The following COL1A2 variants were observed in gnomAD, a reference collection of about 807,000 sequenced individuals.
The protein encoded by COL1A2 is collagen alpha-2(I) chain.
In COL1A2, 49 loss-of-function variants were observed where a neutral mutation model predicts 174.3. That is an observed-to-expected ratio of 0.28 (90% CI 0.22 to 0.36). COL1A2 has a LOEUF of 0.36. Among genes scored for constraint, COL1A2 ranks in the 10% least tolerant of loss-of-function variants. The pLI is 1.00. For missense variants in COL1A2, 1,438 were observed against 1,822.7 expected, an observed-to-expected ratio of 0.79 and a Z score of 3.84; for synonymous variants, 655 against 606.6, an observed-to-expected ratio of 1.08 and a Z score of -1.17.
At chr7:94,425,912 G>C (rs925005438) in intron 44 of COL1A2, 55 bp downstream of exon 44, 7 of 1,604,218 alleles carry the variant, frequency 4.4e-6, no homozygotes, top group Middle Eastern at 1.7e-4. Flanking sequence ...CTTCACTTCT[G>C]ACTTCCCCAC....
At chr7:94,400,112 C>A in intron 4 of COL1A2, 84 bp from the exon 5 acceptor site, 1 of 1,282,088 alleles carries the variant, frequency 7.8e-7, no homozygotes, top group Non-Finnish European at 1.1e-6. Context: ...ATAGAAAGGT[C>A]TGAACAACTG....
At position 94,423,183 on chromosome 7, in the gene COL1A2, A is replaced by G. The variant is rs42530; in HGVS notation, c.2565+65A>G. On this transcript the variant is annotated intron_variant, in intron 40 of 51. Coordinates refer to ENST00000297268, the MANE Select transcript of COL1A2 (RefSeq NM_000089.4). ...TGAATTAAAATAAAGCCCCTACACA[A>G]ATCTTCAAGTGGCATCTATTTGTTG... 461,808 of 1,577,000 alleles carry G rather than the reference A, an allele frequency of 0.29. 70,474 individuals are homozygous for G. The highest frequency in any genetic ancestry group is 0.31 in the Non-Finnish European group (355,171 of 1,147,936).
At position 94,425,413 on chromosome 7, in the gene COL1A2, C is replaced by T; in HGVS notation, c.2781+189C>T. 2.5e-6 allele frequency: 2 copies of T among 811,174 alleles called. 1 individual carries two copies. Among genetic ancestry groups the T allele is most frequent in the South Asian group, 3.2e-5 (2 of 62,038 alleles). The allele number at this position is 811,174 out of a possible 1,614,324, so 50.2% of individuals were successfully genotyped here. A position where few individuals can be genotyped will look rare whatever the true frequency, so the allele number is the denominator to read the frequency against. ...AAAGAATGGGCTTTTCAATAGCACACTGCAAAACTGGGCCCAAGTATTTAA... is the reference window on the plus strand; with the variant it reads ...AAAGAATGGGCTTTTCAATAGCACATTGCAAAACTGGGCCCAAGTATTTAA... On this transcript the variant is annotated intron_variant, in intron 42 of 51. Transcript: ENST00000297268.
chr7:94,405,629 T>G lies in COL1A2; in HGVS notation c.487-44T>G, dbSNP rs1166697176. 5 of 1,534,190 alleles carry G rather than the reference T, an allele frequency of 3.3e-6. No individual in the cohort carries two copies. In the African/African-American group the frequency reaches 6.8e-5, roughly 21 times the overall value. ...AGGGAAGAAGTCACTGTCTTTTTAT[T>G]TATGGTAAAACATTATTCACCATCT... On this transcript the variant is annotated intron_variant, in intron 10 of 51. Coordinates refer to ENST00000297268, the MANE Select transcript of COL1A2 (RefSeq NM_000089.4).
chr7:94,422,811 A>C (rs1056572337), intron 39 of COL1A2, 146 bp from the exon 40 acceptor site: 40 of 1,052,966 alleles, frequency 3.8e-5, no homozygotes, highest in Non-Finnish European at 5.2e-5. Flanking sequence ...AAGAAGGTTA[A>C]AAACTATAAA....
At chr7:94,421,131 T>C in intron 38 of COL1A2, 69 bp downstream of exon 38, 1 of 1,558,616 alleles carries the variant, frequency 6.4e-7, no homozygotes, top group Non-Finnish European at 8.8e-7. Flanking sequence ...TTGAAAGTTT[T>C]GAAATTTTTG....
chr7:94,399,180 A>G, intron 4 of COL1A2, 96 bp downstream of exon 4: 3 of 1,140,998 alleles, frequency 2.6e-6, no homozygotes, highest in Non-Finnish European at 4.0e-6. Flanking sequence ...AATATTATGT[A>G]TCCAGATAAT....
chr7:94,411,192 C>T, intron 23 of COL1A2, 38 bp downstream of exon 23: 1 of 1,422,230 alleles, frequency 7.0e-7, no homozygotes, highest in Non-Finnish European at 9.7e-7. Context: ...TCACACCTGG[C>T]ATTACTTCCT....
chr7:94,404,200 T>A (rs964409643), intron 6 of COL1A2, among the ~76,000 whole-genome samples: 4 of 152,218 alleles, frequency 2.6e-5, no homozygotes, highest in African/African-American at 9.6e-5. Context: ...GATATCCAAA[T>A]GGACATGCTT....
intron 43 of COL1A2, 39 bp from the exon 44 acceptor site, chr7:94,425,711 A>G: frequency 1.2e-6 from 2 of 1,614,046 alleles, no homozygotes; most frequent in Non-Finnish European, 8.5e-7. Context: ...ATTAAAATGC[A>G]ACCCAGATTG....
intron 21 of COL1A2, 50 bp downstream of exon 21, chr7:94,410,577 A>T: frequency 6.9e-7 from 1 of 1,442,086 alleles, no homozygotes; most frequent in Non-Finnish European, 9.5e-7. Flanking sequence ...GCAGATTATG[A>T]TACCCCTTCA....
chr7:94,427,550 C>T, intron 48 of COL1A2, 77 bp from the exon 49 acceptor site: 1 of 1,531,592 alleles, frequency 6.5e-7, no homozygotes, highest in South Asian at 1.1e-5. Flanking sequence ...TGAAGCTCAA[C>T]TGAAAATCTG....
Position 94,427,762 on chromosome 7 carries a change from G to T in COL1A2, c.3403G>T (p.Val1135Phe), listed in dbSNP as rs530579987. 6.2e-7 allele frequency: 1 copy of T among 1,614,136 alleles called. No individual in the cohort carries two copies. The highest frequency in any genetic ancestry group is 8.5e-7 in the Non-Finnish European group (1 of 1,180,022). ...APSLRPKDYE[V>F]DATLKSLNNQ... ...TTCTCTCAGACCCAAGGACTATGAA[G>T]TTGATGCTACTCTGAAGTCTCTCAA... The change falls in exon 49 of 52, where the codon GTT becomes TTT. Residue 1135 changes from valine to phenylalanine, a missense_variant. Val to Phe is a conservative substitution (Grantham distance 50, BLOSUM62 -1). Around this residue, in one of 3 missense-constraint regions of COL1A2, gnomAD observed 290 missense variants for 298.1 expected, o/e 0.97. Transcript: ENST00000297268.
At chr7:94,424,253 A>C in intron 40 of COL1A2, 83 bp from the exon 41 acceptor site, 2 of 1,150,954 alleles carry the variant, frequency 1.7e-6, no homozygotes, top group Admixed American at 1.7e-5. Context: ...AGCTGAAGAC[A>C]GTTTATTCTC....
intron 6 of COL1A2, among the ~76,000 whole-genome samples, chr7:94,402,154 C>T (rs1791701448): frequency 3.9e-5 from 6 of 152,040 alleles, no homozygotes; most frequent in Admixed American, 3.9e-4. Flanking sequence ...ATAACTAGAA[C>T]TAGATGCCAG....
chr7:94,427,122 C>T, intron 47 of COL1A2, 61 bp downstream of exon 47: 1 of 1,608,638 alleles, frequency 6.2e-7, no homozygotes. Flanking sequence ...GAGCAGTGAG[C>T]CCCAGGCTGC....
At position 94,410,812 on chromosome 7, in the gene COL1A2, G is replaced by A; in HGVS notation, c.1198-77G>A. 4 of 1,481,924 alleles carry A rather than the reference G, an allele frequency of 2.7e-6. No individual in the cohort carries two copies. The South Asian group carries it at 3.4e-5, about 13-fold the overall frequency. 91.8% of individuals were successfully genotyped at this position (1,481,924 alleles called of 1,614,324 possible). A position where few individuals can be genotyped will look rare whatever the true frequency, so the allele number is the denominator to read the frequency against. ...TGTATCTCCCCTGTAAGGAGATCAT[G>A]CTATTTTTTACAAACTCTACCTTAT... On this transcript the variant is annotated intron_variant, in intron 21 of 51. Coordinates refer to ENST00000297268, the MANE Select transcript of COL1A2 (RefSeq NM_000089.4).
Position 94,417,714 on chromosome 7 carries a change from T to C in COL1A2, c.1864-10T>C, listed in dbSNP as rs947578625. 2 of 1,576,658 alleles carry C rather than the reference T, an allele frequency of 1.3e-6. No individual in the cohort carries two copies. Among genetic ancestry groups the C allele is most frequent in the African/African-American group, 2.7e-5 (2 of 74,300 alleles). On this transcript the variant is annotated splice_polypyrimidine_tract_variant and intron_variant, in intron 31 of 51. Coordinates refer to ENST00000297268, the MANE Select transcript of COL1A2 (RefSeq NM_000089.4). ...CCACTAAAATTGATTTCACATGTGT[T>C]TGACTCAAGGGTGAACCTGGTGTGG...
In COL1A2 at chr7:94,428,331, G is replaced by A. The variant is rs1250898393; in HGVS notation, c.3565G>A (p.Asp1189Asn). The change falls in exon 50 of 52, where the codon GAT becomes AAT. Residue 1189 changes from aspartate to asparagine, a missense_variant. This residue lies in a region of COL1A2 where 290 missense variants were observed against 298.1 expected (regional missense o/e 0.97). Coordinates refer to ENST00000297268, the MANE Select transcript of COL1A2 (RefSeq NM_000089.4). ...TGACCCTAACCAAGGATGCACTATGGATGCTATCAAAGTATACTGTGATTT... is the reference window on the plus strand; with the variant it reads ...TGACCCTAACCAAGGATGCACTATGAATGCTATCAAAGTATACTGTGATTT... ...WIDPNQGCTM[D>N]AIKVYCDFST... 4.3e-6 allele frequency: 7 copies of A among 1,613,912 alleles called. No individual in the cohort carries two copies. Among genetic ancestry groups the A allele is most frequent in the Non-Finnish European group, 5.9e-6 (7 of 1,179,960 alleles).
Sources: gnomAD v4.1 joint callset for allele counts (sites outside exome capture counted in the v4.1 genomes callset) on GRCh38, gnomAD v4.1.1 for gene constraint, gnomAD v4.1.1 regional missense constraint, MANE v1.5 for transcripts, NCBI Gene and HGNC (gene_info 2026-07-23, HGNC 2026-07-21) for gene names.